Variants in PLCB4 observed in about 807,000 individuals in gnomAD.
The protein encoded by PLCB4 is 1-phosphatidylinositol 4,5-bisphosphate phosphodiesterase beta-4.
PLCB4 carries 77 observed loss-of-function variants against 178.8 expected under a neutral mutation model. The ratio of observed to expected loss-of-function variants is 0.43; its 90% confidence interval spans 0.36 to 0.52. The LOEUF (loss-of-function observed/expected upper bound fraction) is 0.52, where lower values mean the gene tolerates loss of function less well. PLCB4 is among the 20% of genes least tolerant of loss of function. PLCB4 has a pLI of 0.00. For missense variants in PLCB4, 1,024 were observed against 1,453.4 expected (o/e 0.70, Z 4.80); for synonymous variants, 496 against 490.8 (o/e 1.01, Z -0.14).
chr20:9,286,307 A>C (rs921973442), intron 3 of PLCB4, among the ~76,000 whole-genome samples: 4 of 152,030 alleles, frequency 2.6e-5, no homozygotes, highest in African/African-American at 9.7e-5. Flanking sequence ...CTCCACCCAT[A>C]AACCTTCATA....
intron 2 of PLCB4, among the ~76,000 whole-genome samples, chr20:9,164,431 C>G (rs1356593807): frequency 6.6e-6 from 1 of 152,144 alleles, no homozygotes; most frequent in Non-Finnish European, 1.5e-5. Flanking sequence ...AACATCAAAC[C>G]ATCTCATGTC....
intron 2 of PLCB4, among the ~76,000 whole-genome samples, chr20:9,157,220 GAA>G (rs71184130): frequency 3.1e-4 from 43 of 138,280 alleles, no homozygotes; most frequent in East Asian, 8.5e-4. Context: ...AAAATCATAT[GAA>G]AAAAAAAAAA....
At chr20:9,206,403 C>G (rs2093616206) in intron 2 of PLCB4, among the ~76,000 whole-genome samples, 1 of 145,958 alleles carries the variant, frequency 6.9e-6, no homozygotes, top group Admixed American at 7.1e-5. Context: ...AGAGGGGCAT[C>G]TTGCAACCAC....
chr20:9,133,853 T>A (rs761518361), intron 2 of PLCB4, among the ~76,000 whole-genome samples: 3 of 152,190 alleles, frequency 2.0e-5, no homozygotes, highest in African/African-American at 4.8e-5. Context: ...TTTTTGTGTT[T>A]TAAACCTTTA....
rs562467779 is a variant in PLCB4, at chr20:9,102,529, A to G, written c.-79+6187A>G. Among the ~76,000 whole-genome samples, 77 of 152,342 alleles carry G rather than the reference A, an allele frequency of 5.1e-4. 1 individual carries two copies. The highest frequency in any genetic ancestry group is 1.8e-3 in the African/African-American group (73 of 41,594). On this transcript the variant is annotated intron_variant, in intron 2 of 39. Transcript: ENST00000378473. ...CTTTTTAGTTTACTGTGTATTAACT[A>G]ATAACATTTTCTTCTTCTACAATAT... is the stretch of plus-strand genomic sequence containing the variant.
chr20:9,428,655 A>T (rs1414676213), intron 28 of PLCB4, among the ~76,000 whole-genome samples: 1 of 152,038 alleles, frequency 6.6e-6, no homozygotes, highest in Non-Finnish European at 1.5e-5. Context: ...TCAGCACCAC[A>T]TTGCAGCTGA....
chr20:9,179,945 G>A (rs1435536356), intron 2 of PLCB4, among the ~76,000 whole-genome samples: 1 of 152,128 alleles, frequency 6.6e-6, no homozygotes, highest in Non-Finnish European at 1.5e-5. Context: ...TGGTGAGAAT[G>A]AGGGGAAAAA....
chr20:9,231,722 A>G (rs935776021), intron 3 of PLCB4, among the ~76,000 whole-genome samples: 4 of 152,160 alleles, frequency 2.6e-5, no homozygotes, highest in African/African-American at 7.2e-5. Context: ...CAGTACATTT[A>G]CATAAAAAAC....
At chr20:9,114,886 C>T (rs529475260) in intron 2 of PLCB4, among the ~76,000 whole-genome samples, 3 of 152,286 alleles carry the variant, frequency 2.0e-5, no homozygotes, top group African/African-American at 7.2e-5. Flanking sequence ...CGTTTAAGGG[C>T]CTGTGCACAG....
intron 9 of PLCB4, among the ~76,000 whole-genome samples, chr20:9,369,355 C>T (rs1208613473): frequency 6.6e-6 from 1 of 152,178 alleles, no homozygotes; most frequent in Non-Finnish European, 1.5e-5. Context: ...TAGGTTAACA[C>T]AAACTTTTTA....
At chr20:9,469,736 G>A (rs2044052798) in intron 36 of PLCB4, among the ~76,000 whole-genome samples, 1 of 152,214 alleles carries the variant, frequency 6.6e-6, no homozygotes, top group Non-Finnish European at 1.5e-5. Context: ...AGACTGGGGG[G>A]AAGGTTTGTG....
Position 9,123,950 on chromosome 20 carries a change from C to T in PLCB4, c.-79+27608C>T, listed in dbSNP as rs569294087. 7.2e-5 allele frequency among the ~76,000 whole-genome samples: 11 copies of T among 152,182 alleles called. No homozygotes were observed. In the South Asian group the frequency reaches 2.3e-3, roughly 32 times the overall value. On this transcript the variant is annotated intron_variant, in intron 2 of 39. Coordinates refer to ENST00000378473, the MANE Select transcript of PLCB4 (RefSeq NM_001377142.1). The stretch of plus-strand genomic sequence containing the variant: ...ATTCAGTGTTGTAGCACAAAAGCAG[C>T]CACAGGCAATACCTAAGTGAGTGGG...
chr20:9,250,925 A>G (rs1343034685), intron 3 of PLCB4, among the ~76,000 whole-genome samples: 1 of 152,234 alleles, frequency 6.6e-6, no homozygotes. Flanking sequence ...AATCAACAAT[A>G]CTTTCAGAAT....
chr20:9,334,222 A>T (rs535742453), intron 4 of PLCB4, among the ~76,000 whole-genome samples: 1 of 152,286 alleles, frequency 6.6e-6, no homozygotes, highest in South Asian at 2.1e-4. Flanking sequence ...AGAAGGAAGG[A>T]ATAATCAAAC....
intron 4 of PLCB4, among the ~76,000 whole-genome samples, chr20:9,333,001 C>T (rs962767045): frequency 1.3e-5 from 2 of 152,180 alleles, no homozygotes; most frequent in Non-Finnish European, 2.9e-5. Flanking sequence ...CAGACGGCCT[C>T]AACCAGTGCC....
intron 3 of PLCB4, among the ~76,000 whole-genome samples, chr20:9,288,880 C>T (rs2094557314): frequency 6.6e-6 from 1 of 152,024 alleles, no homozygotes; most frequent in Non-Finnish European, 1.5e-5. Context: ...AGTGAGTTGA[C>T]AGTTAGGAAA....
chr20:9,467,334 G>A (rs6039476), intron 35 of PLCB4, among the ~76,000 whole-genome samples: 42,486 of 152,080 alleles, frequency 0.28, 6,107 homozygotes, highest in Middle Eastern at 0.37. Context: ...TGTAAATGAC[G>A]AGTTGATGGG....
At chr20:9,202,511 G>A (rs1284220473) in intron 2 of PLCB4, among the ~76,000 whole-genome samples, 2 of 152,080 alleles carry the variant, frequency 1.3e-5, no homozygotes, top group Admixed American at 6.6e-5. Flanking sequence ...TTTAGTTGCC[G>A]TGGTTTCCTG....
intron 2 of PLCB4, among the ~76,000 whole-genome samples, chr20:9,178,277 C>T (rs112533813): frequency 8.3e-4 from 126 of 152,266 alleles, no homozygotes; most frequent in Middle Eastern, 6.8e-3. Context: ...GCTGAGATTG[C>T]ACCACTGTAC....
Sources: allele counts gnomAD v4.1 joint callset (sites outside exome capture counted in the v4.1 genomes callset), GRCh38; gene constraint gnomAD v4.1.1; transcripts MANE v1.5; gene names NCBI Gene and HGNC (gene_info 2026-07-23, HGNC 2026-07-21).